Variants in FREM2 observed in about 807,000 individuals in gnomAD.
The protein encoded by FREM2 is FRAS1 related extracellular matrix 2, also known as FRAS1-related extracellular matrix protein 2.
A neutral mutation model predicts 219.9 loss-of-function variants in FREM2; 119 were observed. The observed-to-expected ratio is 0.54, with a 90% CI of 0.47 to 0.63. The LOEUF is 0.63. FREM2 is among the 30% of genes least tolerant of loss of function. The pLI is 0.00. For synonymous variants in FREM2, 1,562 were observed against 1,522.8 expected (o/e 1.03, Z -0.60); for missense variants, 4,030 against 3,993.6 (o/e 1.01, Z -0.25).
intron 3 of FREM2, among the ~76,000 whole-genome samples, chr13:38,765,759 C>T (rs1029661494): frequency 6.6e-6 from 1 of 152,102 alleles, no homozygotes; most frequent in Non-Finnish European, 1.5e-5. Flanking sequence ...TCACACGACA[C>T]TTTCCCTGTC....
intron 2 of FREM2, among the ~76,000 whole-genome samples, chr13:38,713,454 A>G (rs895139476): frequency 1.3e-5 from 2 of 152,192 alleles, no homozygotes; most frequent in African/African-American, 4.8e-5. Context: ...ATATTATTAT[A>G]TGGCATTATT....
intron 6 of FREM2, among the ~76,000 whole-genome samples, chr13:38,829,300 G>C (rs781719777): frequency 8.5e-5 from 13 of 152,082 alleles, no homozygotes; most frequent in Non-Finnish European, 1.9e-4. Flanking sequence ...GATAGTAAGA[G>C]TTTCTAACAG....
intron 2 of FREM2, 144 bp downstream of exon 2, chr13:38,697,931 T>G (rs1870184345): frequency 1.4e-6 from 1 of 702,056 alleles, no homozygotes; most frequent in Admixed American, 2.0e-5. Flanking sequence ...TAGACAATTT[T>G]ACAATCTCAC....
chr13:38,851,200 C>T, intron 10 of FREM2, 92 bp downstream of exon 10: 1 of 1,253,680 alleles, frequency 8.0e-7, no homozygotes, highest in Non-Finnish European at 1.1e-6. Context: ...AATGCCCCCA[C>T]CTCCTCTGCT....
At chr13:38,763,535 A>G (rs1873319023) in intron 2 of FREM2, among the ~76,000 whole-genome samples, 1 of 118,888 alleles carries the variant, frequency 8.4e-6, no homozygotes, top group Non-Finnish European at 1.7e-5. Context: ...TGTAAACCTC[A>G]CCTTACTCTG....
At chr13:38,747,395 A>ATG (rs71917471) in intron 2 of FREM2, among the ~76,000 whole-genome samples, 10,984 of 142,508 alleles carry the variant, frequency 0.077, 673 homozygotes, top group African/African-American at 0.18. Context: ...CTGATATAAT[A>ATG]TGTGTGTGTG....
intron 6 of FREM2, among the ~76,000 whole-genome samples, chr13:38,844,654 CATT>C (rs1310019664): frequency 6.6e-6 from 1 of 152,074 alleles, no homozygotes; most frequent in Non-Finnish European, 1.5e-5. Context: ...GGGGAGGTAT[CATT>C]GTTAAATAAA....
At chr13:38,779,305 T>C (rs535250162) in intron 4 of FREM2, 1 of 152,182 alleles carries the variant, frequency 6.6e-6, no homozygotes, top group Middle Eastern at 3.4e-3. Flanking sequence ...GATGACAGGT[T>C]GATAGGTGCA....
intron 6 of FREM2, among the ~76,000 whole-genome samples, chr13:38,831,506 A>C (rs1333601185): frequency 2.0e-5 from 3 of 151,984 alleles, no homozygotes; most frequent in African/African-American, 7.3e-5. Flanking sequence ...ACTTTTCTTT[A>C]CTCTCCCTGA....
rs1176355550 is a variant in FREM2, at chr13:38,850,066, A to G, written c.6408A>G (p.Ile2136Met). The G allele has an allele frequency of 6.2e-7, 1 of 1,613,980 alleles. No individual in the cohort carries two copies. Among genetic ancestry groups the G allele is most frequent in the Admixed American group, 1.7e-5 (1 of 60,028 alleles). ...DLPKMQFKERIYTGSESDGQI... is the reference protein window; with the variant it reads ...DLPKMQFKERMYTGSESDGQI... The stretch of plus-strand genomic sequence containing the variant: ...CTAAGATGCAATTCAAAGAACGAAT[A>G]TATACTGGCAGCGAAAGTGATGGGC... Residue 2136 changes from isoleucine (I) to methionine (M), a missense_variant, in exon 9 of 24, where the codon ATA (isoleucine) becomes ATG (methionine). Physicochemically the swap from Ile to Met is conservative, Grantham distance 10. Transcript: ENST00000280481.
chr13:38,710,361 A>G (rs921098582), intron 2 of FREM2, among the ~76,000 whole-genome samples: 2 of 152,220 alleles, frequency 1.3e-5, no homozygotes, highest in African/African-American at 4.8e-5. Flanking sequence ...CACAAAAATT[A>G]TTCACTGGAA....
rs1878345227 is a variant in FREM2, at chr13:38,876,451, A to C, written c.8544+69A>C. The C allele has an allele frequency of 3.6e-6, 5 of 1,371,890 alleles. No individual in the cohort carries two copies. The East Asian group carries it at 1.2e-4, about 32-fold the overall frequency. 85.0% of individuals were successfully genotyped at this position (1,371,890 alleles called of 1,614,324 possible). ...CTTTGTTTTTCATTTATTAGTAAAA[A>C]AAAAAAAAATCCACACGTGAATGAC... is the stretch of plus-strand genomic sequence containing the variant. On this transcript the variant is annotated intron_variant, in intron 20 of 23. Transcript: ENST00000280481.
chr13:38,840,218 G>C lies in FREM2; in HGVS notation c.6020-6355G>C, dbSNP rs961825386. ...CCTTGGCCAGGGGAGGGAGTTCCCCGACCCCTTGCACTTACCAGGTGAGGC... is the reference window on the plus strand; with the variant it reads ...CCTTGGCCAGGGGAGGGAGTTCCCCCACCCCTTGCACTTACCAGGTGAGGC... On this transcript the variant is annotated intron_variant, in intron 6 of 23. Coordinates refer to ENST00000280481, the MANE Select transcript of FREM2 (RefSeq NM_207361.6). Among the ~76,000 whole-genome samples the C allele has an allele frequency of 3.3e-5, 5 of 151,926 alleles. No homozygotes were observed. The East Asian group carries it at 9.8e-4, about 30-fold the overall frequency.
chr13:38,707,914 C>A (rs1166379915), intron 2 of FREM2, among the ~76,000 whole-genome samples: 1 of 152,188 alleles, frequency 6.6e-6, no homozygotes, highest in Non-Finnish European at 1.5e-5. Flanking sequence ...TTCTTGCCAC[C>A]TAAACCTCAG....
chr13:38,843,301 A>G (rs12869426), intron 6 of FREM2, among the ~76,000 whole-genome samples: 18,770 of 152,144 alleles, frequency 0.12, 1,398 homozygotes, highest in Admixed American at 0.21. Flanking sequence ...AAGGCACAGT[A>G]TGTATTTAGG....
At chr13:38,723,241 TAAAAATA>T (rs1326190331) in intron 2 of FREM2, among the ~76,000 whole-genome samples, 4 of 151,368 alleles carry the variant, frequency 2.6e-5, no homozygotes, top group African/African-American at 9.7e-5. Flanking sequence ...CTTAAAAAAA[TAAAAATA>T]AAAAATAAAA....
intron 2 of FREM2, among the ~76,000 whole-genome samples, chr13:38,723,541 T>A (rs1871383814): frequency 6.6e-6 from 1 of 152,144 alleles, no homozygotes; most frequent in Non-Finnish European, 1.5e-5. Flanking sequence ...ATTTTTAGGA[T>A]CCTTGCTGTG....
At position 38,687,532 on chromosome 13, in the gene FREM2, C is replaced by A; in HGVS notation, c.188C>A (p.Ala63Asp). 1 of 1,599,526 alleles carries A rather than the reference C, an allele frequency of 6.3e-7. No individual in the cohort carries two copies. Among genetic ancestry groups the A allele is most frequent in the South Asian group, 1.1e-5 (1 of 88,648 alleles). Residue 63 changes from alanine (A) to aspartate (D), a missense_variant, in exon 1 of 24, where the codon GCT (alanine) becomes GAT (aspartate). By Grantham distance (126) the Ala-to-Asp change is moderately radical. Around this residue, in one of 2 missense-constraint regions of FREM2, gnomAD observed 3,102 missense variants for 2,950.7 expected, o/e 1.05. Coordinates refer to ENST00000280481, the MANE Select transcript of FREM2 (RefSeq NM_207361.6). ...TTGCTGTCCCCTGGTCTCGCGGGGG[C>A]TGCAGGGGTCCCTGCTGAGGAGGCC... ...RALLSPGLAG[A>D]AGVPAEEAIV...
intron 2 of FREM2, among the ~76,000 whole-genome samples, chr13:38,761,673 A>G (rs1026599803): frequency 6.6e-6 from 1 of 152,212 alleles, no homozygotes; most frequent in African/African-American, 2.4e-5. Flanking sequence ...GAACAGCTGC[A>G]GAACCACAAA....
Sources: gnomAD v4.1 joint callset for allele counts (sites outside exome capture counted in the v4.1 genomes callset) on GRCh38, gnomAD v4.1.1 for gene constraint, gnomAD v4.1.1 regional missense constraint, MANE v1.5 for transcripts, NCBI Gene and HGNC (gene_info 2026-07-23, HGNC 2026-07-21) for gene names.